DENND2A: variants seen among roughly 807,000 people sequenced by gnomAD.
DENND2A encodes DENN domain-containing protein 2A.
In DENND2A, 53 loss-of-function variants were observed where a neutral mutation model predicts 105.3. The observed-to-expected ratio is 0.50, with a 90% CI of 0.40 to 0.63. The LOEUF (loss-of-function observed/expected upper bound fraction) is 0.63. Among genes scored for constraint, DENND2A ranks in the 30% least tolerant of loss-of-function variants. The pLI, the probability that DENND2A is intolerant of heterozygous loss-of-function variation, is 0.00. For missense variants in DENND2A, 1,138 were observed against 1,279.6 expected (o/e 0.89, Z 1.69); for synonymous variants, 522 against 508.4 (o/e 1.03, Z -0.36).
intron 14 of DENND2A, among the ~76,000 whole-genome samples, chr7:140,542,565 C>CTTTTT (rs771623397): frequency 3.6e-5 from 4 of 112,006 alleles, no homozygotes; most frequent in Non-Finnish European, 5.4e-5. Flanking sequence ...TTTTCTCTCT[C>CTTTTT]TTTTTTTTTT....
At chr7:140,621,466 A>C (rs751197879) in intron 1 of DENND2A, among the ~76,000 whole-genome samples, 1 of 148,466 alleles carries the variant, frequency 6.7e-6, no homozygotes, top group East Asian at 1.9e-4. Context: ...GTACATGTTC[A>C]GTACAAATGC....
chr7:140,573,109 T>C (rs1732695604), intron 6 of DENND2A, among the ~76,000 whole-genome samples: 3 of 152,342 alleles, frequency 2.0e-5, no homozygotes, highest in Non-Finnish European at 2.9e-5. Flanking sequence ...GTCACTTCTT[T>C]GGGTCTTACA....
chr7:140,557,177 G>T (rs1797395330), intron 11 of DENND2A, among the ~76,000 whole-genome samples: 1 of 151,984 alleles, frequency 6.6e-6, no homozygotes, highest in African/African-American at 2.4e-5. Context: ...GGCCGAGGTG[G>T]GAGGATTACT....
At position 140,518,625 on chromosome 7, in the gene DENND2A, C is replaced by G; in HGVS notation, c.*82G>C. The G allele has an allele frequency of 6.8e-7, 1 of 1,464,878 alleles. No homozygotes were observed. Among genetic ancestry groups the G allele is most frequent in the South Asian group, 1.2e-5 (1 of 85,510 alleles). 90.7% of individuals were successfully genotyped at this position (1,464,878 alleles called of 1,614,324 possible). A position where few individuals can be genotyped will look rare whatever the true frequency, so the allele number is the denominator to read the frequency against. On this transcript the variant is annotated 3_prime_UTR_variant, in exon 20 of 20. Coordinates refer to ENST00000496613, the MANE Select transcript of DENND2A (RefSeq NM_015689.5). Reference sequence around the variant, plus strand: ...GTTCCGCACCGTGACAACCTGGGACCCAGCCTTTCAGAAAGGCCACCAGGA... The same window carrying G: ...GTTCCGCACCGTGACAACCTGGGACGCAGCCTTTCAGAAAGGCCACCAGGA...
intron 1 of DENND2A, among the ~76,000 whole-genome samples, chr7:140,624,942 C>CCA (rs1800461767): frequency 6.7e-6 from 1 of 150,082 alleles, no homozygotes; most frequent in Non-Finnish European, 1.5e-5. Context: ...GTGAATACAG[C>CCA]TTCGACCTTA....
In DENND2A at chr7:140,591,671, C is replaced by CTCTTTCTT. The variant is rs890090370; in HGVS notation, c.996-3899_996-3892dup. Among the ~76,000 whole-genome samples the CTCTTTCTT allele has an allele frequency of 2.5e-3, 361 of 146,228 alleles. 2 individuals carry two copies. The highest frequency in any genetic ancestry group is 5.7e-3 in the African/African-American group (218 of 38,316). ...CCTTCCTTCCTTTCTTTCTTTCTTTCTCTTTCTTTCTTTCTTTCTTTCCTT... is the reference window on the plus strand; with the variant it reads ...CCTTCCTTCCTTTCTTTCTTTCTTTCTCTTTCTTTCTTTCTTTCTTTCTTTCTTTCCTT... On this transcript the variant is annotated intron_variant, in intron 3 of 19. Coordinates refer to ENST00000496613, the MANE Select transcript of DENND2A (RefSeq NM_015689.5).
chr7:140,527,423 C>G lies in DENND2A; in HGVS notation c.2400G>C (p.Pro800=). The G allele has an allele frequency of 6.2e-7, 1 of 1,600,006 alleles. No individual in the cohort carries two copies. The highest frequency in any genetic ancestry group is 8.5e-7 in the Non-Finnish European group (1 of 1,175,264). ...YPFAWQHTYI[P]VLPPAMVDIV... is the part of the protein sequence containing the mutation. ...TGTCGACCATGGCGGGTGGCAGCACCGGGATGTAGGTGTGCTGCCAGGCGA... is the reference window on the plus strand; with the variant it reads ...TGTCGACCATGGCGGGTGGCAGCACGGGGATGTAGGTGTGCTGCCAGGCGA... The change falls in exon 15 of 20, where the codon CCG becomes CCC. Residue 800 remains proline (P), a synonymous_variant. Coordinates refer to ENST00000496613, the MANE Select transcript of DENND2A (RefSeq NM_015689.5). This position sits in a 1 kb window ranked among gnomAD's most constrained non-coding sequence, Gnocchi z 4.9.
chr7:140,630,113 G>C (rs1202509860), intron 1 of DENND2A, among the ~76,000 whole-genome samples: 1 of 151,366 alleles, frequency 6.6e-6, no homozygotes, highest in South Asian at 2.1e-4. Context: ...CACTGCGCCA[G>C]GTCTTTTTTT....
chr7:140,534,611 G>A (rs1011842553), intron 14 of DENND2A, among the ~76,000 whole-genome samples: 8 of 152,160 alleles, frequency 5.3e-5, no homozygotes, highest in African/African-American at 1.9e-4. Flanking sequence ...ATGGGAGGTG[G>A]GCACTCCTGG....
chr7:140,570,673 AC>A (rs550253579), intron 6 of DENND2A, among the ~76,000 whole-genome samples: 85 of 152,240 alleles, frequency 5.6e-4, no homozygotes, highest in African/African-American at 1.9e-3. Flanking sequence ...GCACATGGAT[AC>A]CCTGGTGTGG....
intron 14 of DENND2A, among the ~76,000 whole-genome samples, chr7:140,533,064 C>T (rs1213859233): frequency 6.8e-6 from 1 of 147,524 alleles, no homozygotes; most frequent in African/African-American, 2.5e-5. Flanking sequence ...CGATCTCTGC[C>T]CATTGCAACC....
At chr7:140,634,159 C>T (rs1177065918) in intron 1 of DENND2A, among the ~76,000 whole-genome samples, 3 of 151,978 alleles carry the variant, frequency 2.0e-5, no homozygotes, top group Non-Finnish European at 4.4e-5. Flanking sequence ...CCACCACGCC[C>T]GGCTAATTTT....
intron 3 of DENND2A, among the ~76,000 whole-genome samples, chr7:140,595,767 A>T (rs1247187293): frequency 1.4e-5 from 2 of 143,356 alleles, no homozygotes; most frequent in Admixed American, 7.0e-5. Flanking sequence ...GACCCTGTTT[A>T]AAAAAAAAAA....
Position 140,567,242 on chromosome 7 carries a change from G to T in DENND2A, c.1623C>A (p.Ser541=). 2 of 1,611,598 alleles carry T rather than the reference G, an allele frequency of 1.2e-6. No homozygotes were observed. Among genetic ancestry groups the T allele is most frequent in the Non-Finnish European group, 1.7e-6 (2 of 1,179,042 alleles). ...GGTACCGAGGCGCCTGCTTCAGCCG[G>T]GACTTCACGTTGACCAGGCGCTGGC... is the stretch of plus-strand genomic sequence containing the variant. ...AHSQRLVNVK[S]RLKQAPRYPS... Residue 541 remains serine, a synonymous_variant, in exon 9 of 20, where the codon TCC becomes TCA. Coordinates refer to ENST00000496613, the MANE Select transcript of DENND2A (RefSeq NM_015689.5).
chr7:140,527,604 G>A lies in DENND2A; in HGVS notation c.2328-109C>T, dbSNP rs182475966. 159 of 1,165,590 alleles carry A rather than the reference G, an allele frequency of 1.4e-4. 1 individual carries two copies. The highest frequency in any genetic ancestry group is 5.0e-4 in the Admixed American group (19 of 38,338). 72.2% of individuals were successfully genotyped at this position (1,165,590 alleles called of 1,614,324 possible). A position where few individuals can be genotyped will look rare whatever the true frequency, so the allele number is the denominator to read the frequency against. On this transcript the variant is annotated intron_variant, in intron 14 of 19. Coordinates refer to ENST00000496613, the MANE Select transcript of DENND2A (RefSeq NM_015689.5). The surrounding 1 kb of genome is among the most constrained non-coding windows in gnomAD (Gnocchi z 4.9). ...ACAGGATGACTAGGAAAGGACACAC[G>A]TGGATGTGGATCCGGTGGAGCACAT...
intron 3 of DENND2A, among the ~76,000 whole-genome samples, chr7:140,598,676 GAA>G (rs1799372412): frequency 6.6e-6 from 1 of 151,616 alleles, no homozygotes; most frequent in African/African-American, 2.4e-5. Flanking sequence ...GACCATATGA[GAA>G]AAAAGACATT....
At chr7:140,524,152 C>G (rs1273682303) in intron 16 of DENND2A, among the ~76,000 whole-genome samples, 1 of 152,052 alleles carries the variant, frequency 6.6e-6, no homozygotes. Flanking sequence ...TTGGGAAGGG[C>G]CTACCCTGTG....
intron 3 of DENND2A, among the ~76,000 whole-genome samples, chr7:140,593,043 T>A (rs1353191922): frequency 6.6e-6 from 1 of 151,900 alleles, no homozygotes; most frequent in East Asian, 1.9e-4. Context: ...AATTCTGTTC[T>A]CTACAAATAT....
chr7:140,625,718 C>T (rs935636446), intron 1 of DENND2A, among the ~76,000 whole-genome samples: 13 of 151,926 alleles, frequency 8.6e-5, no homozygotes, highest in Admixed American at 6.6e-4. Context: ...AACAAAAAAA[C>T]GAAAACAAAA....
Sources: gnomAD v4.1 joint callset for allele counts (sites outside exome capture counted in the v4.1 genomes callset) on GRCh38, gnomAD v4.1.1 for gene constraint, Gnocchi (gnomAD v3.1) non-coding constraint, MANE v1.5 for transcripts, NCBI Gene and HGNC (gene_info 2026-07-23, HGNC 2026-07-21) for gene names.